Variants in NR1H4 observed in about 807,000 individuals in gnomAD.
The protein encoded by NR1H4 is nuclear receptor subfamily 1 group H member 4.
NR1H4 carries 23 observed loss-of-function variants against 58.5 expected under a neutral mutation model. The ratio of observed to expected loss-of-function variants is 0.39; its 90% CI spans 0.28 to 0.56. The LOEUF is 0.56. Ranked by LOEUF, NR1H4 falls within the 20% of genes least tolerant of loss-of-function variation. NR1H4 has a pLI of 0.58. For missense variants in NR1H4, 487 were observed against 576.9 expected (o/e 0.84, Z 1.60); for synonymous variants, 214 against 198.0 (o/e 1.08, Z -0.68).
intron 9 of NR1H4, among the ~76,000 whole-genome samples, chr12:100,552,805 G>A (rs1955232469): frequency 6.6e-6 from 1 of 152,012 alleles, no homozygotes. Context: ...TGTAGTCCTA[G>A]CCACTCAAGA....
chr12:100,530,044 G>A (rs560252308), intron 4 of NR1H4, among the ~76,000 whole-genome samples: 2 of 152,126 alleles, frequency 1.3e-5, no homozygotes, highest in South Asian at 4.1e-4. Context: ...ATATTATGCT[G>A]TAAATTTACT....
intron 3 of NR1H4, chr12:100,500,155 A>G (rs976515302): frequency 6.0e-6 from 2 of 333,214 alleles, no homozygotes; most frequent in African/African-American, 4.3e-5. Flanking sequence ...ACAAAATCCA[A>G]TGTTTAAGTC....
intron 9 of NR1H4, among the ~76,000 whole-genome samples, chr12:100,552,068 T>C (rs1169680773): frequency 1.3e-5 from 2 of 152,226 alleles, no homozygotes; most frequent in African/African-American, 4.8e-5. Context: ...GAGTTAACTG[T>C]ATCTGCTTCT....
At chr12:100,518,969 G>T (rs2136190517) in intron 4 of NR1H4, among the ~76,000 whole-genome samples, 1 of 151,942 alleles carries the variant, frequency 6.6e-6, no homozygotes, top group Middle Eastern at 3.4e-3. Flanking sequence ...TGTATTTTTA[G>T]TAGAGACGGG....
At chr12:100,519,213 A>T (rs527562432) in intron 4 of NR1H4, among the ~76,000 whole-genome samples, 1 of 152,288 alleles carries the variant, frequency 6.6e-6, no homozygotes, top group Non-Finnish European at 1.5e-5. Context: ...ATTGGATTTA[A>T]TTCAGTCTAG....
chr12:100,560,402 A>G (rs1422142826), intron 9 of NR1H4, among the ~76,000 whole-genome samples: 1 of 151,922 alleles, frequency 6.6e-6, no homozygotes, highest in Non-Finnish European at 1.5e-5. Context: ...GAGTTGTAAC[A>G]CTCACTGCGA....
intron 1 of NR1H4, among the ~76,000 whole-genome samples, chr12:100,487,250 A>G (rs1264418648): frequency 6.6e-6 from 1 of 152,206 alleles, no homozygotes; most frequent in East Asian, 1.9e-4. Context: ...AAAAAATGAT[A>G]GAACACAATT....
At chr12:100,519,467 T>C (rs551691848) in intron 4 of NR1H4, among the ~76,000 whole-genome samples, 10 of 151,820 alleles carry the variant, frequency 6.6e-5, no homozygotes, top group Non-Finnish European at 1.5e-4. Context: ...GTGGGAAAGG[T>C]CTCTGTGACA....
At chr12:100,515,014 A>G (rs1402820359) in intron 4 of NR1H4, among the ~76,000 whole-genome samples, 2 of 151,940 alleles carry the variant, frequency 1.3e-5, no homozygotes, top group Non-Finnish European at 2.9e-5. Flanking sequence ...TCACTAGACC[A>G]TGTGTCATAT....
At chr12:100,521,391 T>C (rs1484072090) in intron 4 of NR1H4, among the ~76,000 whole-genome samples, 1 of 152,222 alleles carries the variant, frequency 6.6e-6, no homozygotes, top group Non-Finnish European at 1.5e-5. Context: ...TGCCCTCAGT[T>C]ATCAGTGCAG....
chr12:100,525,700 T>C (rs1278041686), intron 4 of NR1H4, among the ~76,000 whole-genome samples: 1 of 152,224 alleles, frequency 6.6e-6, no homozygotes, highest in Non-Finnish European at 1.5e-5. Context: ...GAAAAGATTG[T>C]ACAGAATTGG....
intron 9 of NR1H4, among the ~76,000 whole-genome samples, chr12:100,558,170 C>CCAATATAG (rs1955374810): frequency 1.4e-5 from 2 of 147,280 alleles, no homozygotes; most frequent in South Asian, 4.3e-4. Flanking sequence ...ATCAGCTTGG[C>CCAATATAG]CAATATAGTG....
chr12:100,474,145 C>G (rs1376548242), intron 1 of NR1H4, 86 bp downstream of exon 1: 1 of 152,014 alleles, frequency 6.6e-6, no homozygotes, highest in Non-Finnish European at 1.5e-5. Context: ...TCTTTGACAT[C>G]TGTAATGTAT....
chr12:100,519,604 A>G (rs1593085909), intron 4 of NR1H4, among the ~76,000 whole-genome samples: 2 of 151,968 alleles, frequency 1.3e-5, no homozygotes, highest in Admixed American at 6.6e-5. Flanking sequence ...TCCCAGAGAA[A>G]CCATGCTGCC....
chr12:100,495,646 C>T (rs546807443), intron 3 of NR1H4, among the ~76,000 whole-genome samples: 1 of 38,608 alleles, frequency 2.6e-5, no homozygotes, highest in African/African-American at 1.0e-4. Context: ...GCAGGAGAAT[C>T]GCTTGAACCA....
intron 1 of NR1H4, among the ~76,000 whole-genome samples, chr12:100,481,006 T>C (rs1219452013): frequency 6.6e-6 from 1 of 152,192 alleles, no homozygotes; most frequent in African/African-American, 2.4e-5. Context: ...CTTTCTTAGA[T>C]ATGGAAAACA....
intron 4 of NR1H4, among the ~76,000 whole-genome samples, chr12:100,513,051 A>G (rs909973666): frequency 1.3e-5 from 2 of 152,246 alleles, no homozygotes; most frequent in African/African-American, 4.8e-5. Context: ...AAGCAGATCT[A>G]TAAAGAAAAC....
At chr12:100,532,407 C>T in intron 4 of NR1H4, 51 bp from the exon 5 acceptor site, 2 of 1,598,868 alleles carry the variant, frequency 1.3e-6, no homozygotes, top group Non-Finnish European at 1.7e-6. Flanking sequence ...CTGTTTTTTT[C>T]CTGAGAAGCT....
chr12:100,493,337 T>C lies in NR1H4; in HGVS notation c.14T>C (p.Met5Thr). The C allele has an allele frequency of 6.4e-7, 1 of 1,566,890 alleles. No homozygotes were observed. Among genetic ancestry groups the C allele is most frequent in the Admixed American group, 1.7e-5 (1 of 58,370 alleles). The stretch of plus-strand genomic sequence containing the variant: ...TGAAAAATTTGGATGGGATCAAAAA[T>C]GAATCTCATTGAACATTCCCATTTA... MGSK[M>T]NLIEHSHLPT... Residue 5 changes from methionine to threonine, a missense_variant, in exon 3 of 11, where the codon ATG (methionine) becomes ACG (threonine). Transcript: ENST00000392986.
Sources: gnomAD v4.1 joint callset for allele counts (sites outside exome capture counted in the v4.1 genomes callset) on GRCh38, gnomAD v4.1.1 for gene constraint, MANE v1.5 for transcripts, NCBI Gene and HGNC (gene_info 2026-07-23, HGNC 2026-07-21) for gene names.